Variants in MAMLD1 observed in about 807,000 individuals in gnomAD.
MAMLD1 encodes mastermind-like domain-containing protein 1.
MAMLD1 carries 14 observed loss-of-function variants against 45.0 expected under a neutral mutation model. The observed-to-expected ratio is 0.31, with a 90% CI of 0.21 to 0.49. MAMLD1 has a LOEUF of 0.49. MAMLD1 is among the 20% of genes least tolerant of loss of function. The pLI is 0.99. For missense variants in MAMLD1, 543 were observed against 603.6 expected (o/e 0.90, Z 1.05); for synonymous variants, 254 against 247.8 (o/e 1.02, Z -0.24).
At chrX:150,449,291 C>T (rs191380238) in intron 2 of MAMLD1, among the ~76,000 whole-genome samples, 204 of 111,522 alleles carry the variant, frequency 1.8e-3, no homozygotes, top group Non-Finnish European at 3.3e-3. Context: ...ATCTACAATA[C>T]GATGAAAAAC....
chrX:150,444,041 G>A (rs934410653), intron 1 of MAMLD1, among the ~76,000 whole-genome samples: 3 of 112,182 alleles, frequency 2.7e-5, no homozygotes, highest in African/African-American at 9.7e-5. Flanking sequence ...CTCTGACACT[G>A]CTCTGGCAGG....
chrX:150,439,431 GTTTTC>G (rs1290208014), intron 1 of MAMLD1, among the ~76,000 whole-genome samples: 19 of 111,511 alleles, frequency 1.7e-4, no homozygotes, highest in African/African-American at 6.2e-4. Flanking sequence ...TTACTTCTAT[GTTTTC>G]TTTTAAGAGT....
chrX:150,450,182 C>T (rs1602851838), intron 2 of MAMLD1, among the ~76,000 whole-genome samples: 1 of 112,356 alleles, frequency 8.9e-6, no homozygotes, highest in East Asian at 2.8e-4. Flanking sequence ...AAACTTACTT[C>T]ATTCTGGTAG....
chrX:150,411,939 G>A (rs1160613083), intron 1 of MAMLD1, among the ~76,000 whole-genome samples: 2 of 111,441 alleles, frequency 1.8e-5, no homozygotes, highest in East Asian at 5.6e-4. Context: ...TCAAATTTAG[G>A]GAATAAAAAT....
rs782460348 is a variant in MAMLD1 at position 150,427,219 on chromosome X, G to T, written c.-63-18235G>T. Among the ~76,000 whole-genome samples the T allele has an allele frequency of 3.6e-5, 4 of 112,177 alleles. No homozygotes were observed. In the East Asian group the frequency reaches 1.1e-3, roughly 31 times the overall value. On this transcript the variant is annotated intron_variant, in intron 1 of 7. Coordinates refer to ENST00000370401, the MANE Select transcript of MAMLD1 (RefSeq NM_005491.5). The stretch of plus-strand genomic sequence containing the variant: ...CTGCAATGGCCCTATTTCCAAATAA[G>T]ATCACATTATGAAGTACTGGGAGTT...
chrX:150,377,913 A>G (rs2032414044), intron 1 of MAMLD1, among the ~76,000 whole-genome samples: 1 of 110,092 alleles, frequency 9.1e-6, no homozygotes, highest in Non-Finnish European at 1.9e-5. Flanking sequence ...TTTTATCTCC[A>G]AATACTGCAT....
intron 1 of MAMLD1, among the ~76,000 whole-genome samples, chrX:150,371,380 G>A (rs782412599): frequency 3.3e-4 from 37 of 111,342 alleles, no homozygotes; most frequent in African/African-American, 9.5e-4. Context: ...CAGGCCAGCC[G>A]TTGATTTTTT....
rs782233246 is a variant in MAMLD1, at chrX:150,447,380, G to A, written c.96+1768G>A. On this transcript the variant is annotated intron_variant, in intron 2 of 7. Coordinates refer to ENST00000370401, the MANE Select transcript of MAMLD1 (RefSeq NM_005491.5). ...AGAAGACCAAGAATTCACCCCAGTT[G>A]AGGAGAACAAAGAATTTTAAAAATT... 4.5e-5 allele frequency among the ~76,000 whole-genome samples: 5 copies of A among 111,842 alleles called. No homozygotes were observed. In the South Asian group the frequency reaches 1.9e-3, roughly 42 times the overall value.
chrX:150,397,814 C>T (rs1024613108), intron 1 of MAMLD1, among the ~76,000 whole-genome samples: 1 of 111,583 alleles, frequency 9.0e-6, no homozygotes, highest in Admixed American at 9.5e-5. Flanking sequence ...AAGCTATGGT[C>T]ATGAAATCTA....
chrX:150,465,308 G>A (rs781972707), intron 3 of MAMLD1, among the ~76,000 whole-genome samples: 44 of 111,956 alleles, frequency 3.9e-4, no homozygotes, highest in Non-Finnish European at 6.8e-4. Context: ...TGTCATTCTG[G>A]ACTAGAACTA....
At position 150,423,382 on chromosome X, in the gene MAMLD1, GTGTT is replaced by G. The variant is rs1211524091; in HGVS notation, c.-63-22069_-63-22066del. 8.5e-4 allele frequency among the ~76,000 whole-genome samples: 91 copies of G among 107,294 alleles called. 1 individual carries two copies. Among genetic ancestry groups the G allele is most frequent in the African/African-American group, 2.5e-3 (73 of 29,539 alleles). The allele number at this position is 107,294 out of a possible 115,157, so 93.2% of individuals were successfully genotyped here. ...TGTGTGTGTGTGTGTGTGTGTGTGT[GTGTT>G]TGCACCTTTGGGGCTACGGTTGAGC... On this transcript the variant is annotated intron_variant, in intron 1 of 7. Coordinates refer to ENST00000370401, the MANE Select transcript of MAMLD1 (RefSeq NM_005491.5).
At chrX:150,460,277 C>A (rs952904706) in intron 2 of MAMLD1, among the ~76,000 whole-genome samples, 5 of 111,828 alleles carry the variant, frequency 4.5e-5, no homozygotes, top group Non-Finnish European at 7.5e-5. Flanking sequence ...CTCCGAACCA[C>A]AAAACCACTG....
intron 5 of MAMLD1, among the ~76,000 whole-genome samples, chrX:150,479,534 G>A (rs1204303971): frequency 8.9e-6 from 1 of 112,313 alleles, no homozygotes; most frequent in Non-Finnish European, 1.9e-5. Context: ...CACCCAAAAT[G>A]AGCCCTTTTA....
chrX:150,425,182 A>G (rs1557403757), intron 1 of MAMLD1, among the ~76,000 whole-genome samples: 1 of 111,936 alleles, frequency 8.9e-6, no homozygotes, highest in East Asian at 2.8e-4. Flanking sequence ...GGCTACTACT[A>G]TGAGTAGTGT....
intron 1 of MAMLD1, among the ~76,000 whole-genome samples, chrX:150,383,136 C>G (rs1557401915): frequency 3.5e-5 from 3 of 86,429 alleles, no homozygotes; most frequent in Non-Finnish European, 4.5e-5. Context: ...GATCTCCTGA[C>G]CTCGTGATCC....
chrX:150,475,461 A>G (rs1158964996), intron 5 of MAMLD1, among the ~76,000 whole-genome samples: 1 of 112,413 alleles, frequency 8.9e-6, no homozygotes, highest in Non-Finnish European at 1.9e-5. Context: ...CCTTCTATAG[A>G]GGAGCTCATT....
chrX:150,454,167 C>G (rs1421267298), intron 2 of MAMLD1, among the ~76,000 whole-genome samples: 5 of 112,319 alleles, frequency 4.5e-5, no homozygotes, highest in Non-Finnish European at 9.4e-5. Flanking sequence ...CTAAAGTTGT[C>G]TAGCCTTAGG....
At chrX:150,478,184 A>G (rs1457116772) in intron 5 of MAMLD1, among the ~76,000 whole-genome samples, 2 of 112,159 alleles carry the variant, frequency 1.8e-5, no homozygotes, top group East Asian at 5.5e-4. Flanking sequence ...TTCATGGAAA[A>G]CAAAAAGGAA....
chrX:150,481,964 A>AAAG (rs1391067792), intron 5 of MAMLD1, among the ~76,000 whole-genome samples: 9 of 56,589 alleles, frequency 1.6e-4, no homozygotes, highest in Middle Eastern at 7.9e-3. Context: ...AAAGAAAGAA[A>AAAG]AAAGAAAGAA....
Sources: allele counts gnomAD v4.1 joint callset (sites outside exome capture counted in the v4.1 genomes callset), GRCh38; gene constraint gnomAD v4.1.1; transcripts MANE v1.5; gene names NCBI Gene and HGNC (gene_info 2026-07-23, HGNC 2026-07-21).